FOXE1: variants seen among roughly 807,000 people sequenced by gnomAD.
FOXE1 encodes the protein forkhead box E1.
FOXE1 carries 4 observed loss-of-function variants against 2.1 expected under a neutral mutation model. The observed-to-expected ratio is 1.91, with a 90% CI of 0.94 to 4.37. FOXE1 has a LOEUF of 4.37. Among genes scored for constraint, FOXE1 ranks in the 30% most tolerant of loss-of-function variants. FOXE1 has a pLI of 0.01. For synonymous variants in FOXE1, 277 were observed against 272.4 expected (o/e 1.02, Z -0.17); for missense variants, 574 against 583.3 (o/e 0.98, Z 0.16).
chr9:97,853,940 C>A lies in FOXE1; in HGVS notation c.26C>A (p.Pro9Gln), dbSNP rs1830624831. 7.7e-6 allele frequency: 10 copies of A among 1,300,420 alleles called. No homozygotes were observed. Among genetic ancestry groups the A allele is most frequent in the Non-Finnish European group, 9.7e-6 (10 of 1,029,690 alleles). The allele number at this position is 1,300,420 out of a possible 1,614,324, so 80.6% of individuals were successfully genotyped here. Residue 9 changes from proline to glutamine, a missense_variant, in exon 1 of 1, where the codon CCG (proline) becomes CAG (glutamine). By Grantham distance (76) the Pro-to-Gln change is moderately conservative. This residue lies in a region of FOXE1 where 249 missense variants were observed against 269.6 expected (regional missense o/e 0.92). Coordinates refer to ENST00000375123, the MANE Select transcript of FOXE1 (RefSeq NM_004473.4). The stretch of plus-strand genomic sequence containing the variant: ...ATGACTGCCGAGAGCGGGCCGCCGC[C>A]GCCGCAGCCGGAGGTGCTGGCTACC... MTAESGPP[P>Q]PQPEVLATVK...
chr9:97,855,111 T>C lies in FOXE1; in HGVS notation c.*75T>C, dbSNP rs1587809290. On this transcript the variant is annotated 3_prime_UTR_variant, in exon 1 of 1. Transcript: ENST00000375123. ...CCCGCAATCTGAGAACGAACAGGAA[T>C]GGAGAGAGGACTCAACTGGGACCCA... 2 of 1,556,492 alleles carry C rather than the reference T, an allele frequency of 1.3e-6. No homozygotes were observed. Among genetic ancestry groups the C allele is most frequent in the East Asian group, 2.3e-5 (1 of 42,844 alleles).
Position 97,853,995 on chromosome 9 carries a change from A to G in FOXE1, c.81A>G (p.Ala27=). Residue 27 remains alanine (A), a synonymous_variant, in exon 1 of 1, where the codon GCA becomes GCG. Coordinates refer to ENST00000375123, the MANE Select transcript of FOXE1 (RefSeq NM_004473.4). The stretch of plus-strand genomic sequence containing the variant: ...AGGAAGAGCGCGGCGAGACGGCAGC[A>G]GGGGCCGGGGTCCCAGGGGAGGCCA... ...TVKEERGETA[A]GAGVPGEATG... 1 of 1,343,842 alleles carries G rather than the reference A, an allele frequency of 7.4e-7. No individual in the cohort carries two copies. Among genetic ancestry groups the G allele is most frequent in the Non-Finnish European group, 9.5e-7 (1 of 1,051,798 alleles). 83.2% of individuals were successfully genotyped at this position (1,343,842 alleles called of 1,614,324 possible).
rs1830620685 is a variant in FOXE1, at chr9:97,853,695, T to TCACTCCCGAGCCTCTGTCTGCACCGCGC, written c.-217_-190dup. ...GCGGGCTGAGCCGTCGGCTAGCGGG[T>TCACTCCCGAGCCTCTGTCTGCACCGCGC]CACTCCCGAGCCTCTGTCTGCACCG... On this transcript the variant is annotated 5_prime_UTR_variant, in exon 1 of 1. Coordinates refer to ENST00000375123, the MANE Select transcript of FOXE1 (RefSeq NM_004473.4). 2.7e-6 allele frequency: 1 copy of TCACTCCCGAGCCTCTGTCTGCACCGCGC among 373,528 alleles called. No individual in the cohort carries two copies. The highest frequency in any genetic ancestry group is 4.7e-6 in the Non-Finnish European group (1 of 213,830). 23.1% of individuals were successfully genotyped at this position (373,528 alleles called of 1,614,324 possible).
chr9:97,854,292 C>G lies in FOXE1; in HGVS notation c.378C>G (p.Tyr126Ter). 1 of 1,612,416 alleles carries G rather than the reference C, an allele frequency of 6.2e-7. No individual in the cohort carries two copies. Among genetic ancestry groups the G allele is most frequent in the Non-Finnish European group, 8.5e-7 (1 of 1,179,480 alleles). The change falls in exon 1 of 1, where the codon TAC becomes TAG. Residue 126 changes from tyrosine to a stop codon, truncating the protein, a stop_gained. Transcript: ENST00000375123. LOFTEE classifies it low-confidence loss of function (END_TRUNC). ...REAGRPGKGN[Y>*]WALDPNAEDM... ...CCGGCCGCCCGGGTAAGGGCAACTA[C>G]TGGGCGCTTGACCCCAACGCGGAGG... is the stretch of plus-strand genomic sequence containing the variant.
rs201181824 is a variant in FOXE1, at chr9:97,854,385, C to T, written c.471C>T (p.Tyr157=). 1.1e-3 allele frequency: 1,597 copies of T among 1,500,210 alleles called. 30 individuals carry two copies. In the Admixed American group the frequency reaches 0.028, roughly 26 times the overall value. The allele number at this position is 1,500,210 out of a possible 1,614,324, so 92.9% of individuals were successfully genotyped here. ...TCAAGCGCTCGGACCTCTCCACCTA[C>T]CCGGCTTACATGCACGACGCGGCGG... ...KRFKRSDLST[Y]PAYMHDAAAA... The change falls in exon 1 of 1, where the codon TAC becomes TAT. Residue 157 remains tyrosine (Y), a synonymous_variant. Transcript: ENST00000375123.
chr9:97,854,765 C>T lies in FOXE1; in HGVS notation c.851C>T (p.Pro284Leu). 6.7e-7 allele frequency: 1 copy of T among 1,494,320 alleles called. No homozygotes were observed. The highest frequency in any genetic ancestry group is 8.8e-7 in the Non-Finnish European group (1 of 1,131,006). The allele number at this position is 1,494,320 out of a possible 1,614,324, so 92.6% of individuals were successfully genotyped here. The change falls in exon 1 of 1, where the codon CCC becomes CTC. Residue 284 changes from proline (P) to leucine (L), a missense_variant. Physicochemically the swap from Pro to Leu is moderately conservative, Grantham distance 98. Transcript: ENST00000375123. The stretch of plus-strand genomic sequence containing the variant: ...GCCTATGCGGCTGCCTACGCGGGCC[C>T]CGACGGCGCGTACCCGCAGGGCGCC... The part of the protein sequence containing the change: ...PSAYAAAYAG[P>L]DGAYPQGAGS...
In FOXE1 at chr9:97,854,409, GGCTGCCGCAGCCGCCGCCGCC is replaced by G. The variant is rs1379428760; in HGVS notation, c.498_518del (p.Ala173_Ala179del). ...ACCCGGCTTACATGCACGACGCGGC[GGCTGCCGCAGCCGCCGCCGCC>G]GCCGCCGCCGCCGCCGCCGCCATCT... is the stretch of plus-strand genomic sequence containing the variant. On this transcript the variant is annotated inframe_deletion, in exon 1 of 1. Transcript: ENST00000375123. 7.7e-7 allele frequency: 1 copy of G among 1,291,156 alleles called. No homozygotes were observed. The highest frequency in any genetic ancestry group is 2.5e-5 in the South Asian group (1 of 40,714). 80.0% of individuals were successfully genotyped at this position (1,291,156 alleles called of 1,614,324 possible).
At position 97,855,003 on chromosome 9, in the gene FOXE1, C is replaced by G. The variant is rs1383066937; in HGVS notation, c.1089C>G (p.Pro363=). The change falls in exon 1 of 1, where the codon CCC becomes CCG. Residue 363 remains proline, a synonymous_variant. Transcript: ENST00000375123. The stretch of plus-strand genomic sequence containing the variant: ...ATGCTCGCCATGCTGCCGCTTATCC[C>G]GGTGGGATAGATCGGTTCGTGTCCG... ...AYHARHAAAY[P]GGIDRFVSAM 1 of 1,609,736 alleles carries G rather than the reference C, an allele frequency of 6.2e-7. No homozygotes were observed.
At position 97,854,115 on chromosome 9, in the gene FOXE1, G is replaced by T. The variant is rs1426305728; in HGVS notation, c.201G>T (p.Ala67=). 1.2e-6 allele frequency: 2 copies of T among 1,611,154 alleles called. No homozygotes were observed. Among genetic ancestry groups the T allele is most frequent in the South Asian group, 1.1e-5 (1 of 90,892 alleles). ...TCGCGCTCATCGCCATGGCCATCGCGCACGCGCCCGAGCGCCGCCTCACGC... is the reference window on the plus strand; with the variant it reads ...TCGCGCTCATCGCCATGGCCATCGCTCACGCGCCCGAGCGCCGCCTCACGC... ...SYIALIAMAI[A]HAPERRLTLG... The change falls in exon 1 of 1, where the codon GCG becomes GCT. Residue 67 remains alanine, a synonymous_variant. Transcript: ENST00000375123.
In FOXE1 at chr9:97,855,115, G is replaced by C. The variant is rs1256005420; in HGVS notation, c.*79G>C. On this transcript the variant is annotated 3_prime_UTR_variant, in exon 1 of 1. Coordinates refer to ENST00000375123, the MANE Select transcript of FOXE1 (RefSeq NM_004473.4). ...CAATCTGAGAACGAACAGGAATGGAGAGAGGACTCAACTGGGACCCACGTG... is the reference window on the plus strand; with the variant it reads ...CAATCTGAGAACGAACAGGAATGGACAGAGGACTCAACTGGGACCCACGTG... 6.5e-7 allele frequency: 1 copy of C among 1,548,146 alleles called. No individual in the cohort carries two copies. Among genetic ancestry groups the C allele is most frequent in the Admixed American group, 1.8e-5 (1 of 54,226 alleles).
In FOXE1 at chr9:97,854,800, A is replaced by T; in HGVS notation, c.886A>T (p.Ile296Phe). 1 of 1,530,674 alleles carries T rather than the reference A, an allele frequency of 6.5e-7. No individual in the cohort carries two copies. Among genetic ancestry groups the T allele is most frequent in the Non-Finnish European group, 8.7e-7 (1 of 1,145,054 alleles). The allele number at this position is 1,530,674 out of a possible 1,614,324, so 94.8% of individuals were successfully genotyped here. ...GAYPQGAGSA[I>F]FAAAGRLAGP... ...GTACCCGCAGGGCGCCGGCAGTGCG[A>T]TCTTTGCCGCTGCTGGCCGCCTGGC... is the stretch of plus-strand genomic sequence containing the variant. Residue 296 changes from isoleucine to phenylalanine, a missense_variant, in exon 1 of 1, where the codon ATC becomes TTC. Transcript: ENST00000375123.
Position 97,853,975 on chromosome 9 carries a change from G to A in FOXE1, c.61G>A (p.Glu21Lys). ...QPEVLATVKE[E>K]RGETAAGAGV... ...GGAGGTGCTGGCTACCGTGAAGGAA[G>A]AGCGCGGCGAGACGGCAGCAGGGGC... is the stretch of plus-strand genomic sequence containing the variant. Residue 21 changes from glutamate to lysine, a missense_variant, in exon 1 of 1, where the codon GAG becomes AAG. Coordinates refer to ENST00000375123, the MANE Select transcript of FOXE1 (RefSeq NM_004473.4). 2 of 1,329,006 alleles carry A rather than the reference G, an allele frequency of 1.5e-6. No individual in the cohort carries two copies. Among genetic ancestry groups the A allele is most frequent in the Non-Finnish European group, 1.9e-6 (2 of 1,044,416 alleles). 82.3% of individuals were successfully genotyped at this position (1,329,006 alleles called of 1,614,324 possible).
Position 97,854,902 on chromosome 9 carries a change from C to T in FOXE1, c.988C>T (p.Pro330Ser). The stretch of plus-strand genomic sequence containing the variant: ...GGTGGACTTCTACGGGCGCACGTCG[C>T]CCGGCCAGTTCGGAGCGCTGGGAGC... ...TTVDFYGRTS[P>S]GQFGALGACY... The change falls in exon 1 of 1, where the codon CCC becomes TCC. Residue 330 changes from proline to serine, a missense_variant. By Grantham distance (74) the Pro-to-Ser change is moderately conservative. Transcript: ENST00000375123. 1 of 1,596,980 alleles carries T rather than the reference C, an allele frequency of 6.3e-7. No homozygotes were observed. Among genetic ancestry groups the T allele is most frequent in the South Asian group, 1.1e-5 (1 of 90,686 alleles).
chr9:97,854,534 C>T lies in FOXE1; in HGVS notation c.620C>T (p.Ala207Val), dbSNP rs1830639904. 1.4e-5 allele frequency: 18 copies of T among 1,259,122 alleles called. No homozygotes were observed. Among genetic ancestry groups the T allele is most frequent in the Non-Finnish European group, 1.8e-5 (18 of 1,007,312 alleles). The allele number at this position is 1,259,122 out of a possible 1,614,324, so 78.0% of individuals were successfully genotyped here. A position where few individuals can be genotyped will look rare whatever the true frequency, so the allele number is the denominator to read the frequency against. ...YAGYAPPSLA[A>V]PPPVYYPAAS... Reference sequence around the variant, plus strand: ...GGCTACGCGCCGCCGTCGCTGGCCGCGCCGCCTCCAGTCTACTACCCCGCG... The same window carrying T: ...GGCTACGCGCCGCCGTCGCTGGCCGTGCCGCCTCCAGTCTACTACCCCGCG... The change falls in exon 1 of 1, where the codon GCG becomes GTG. Residue 207 changes from alanine (A) to valine (V), a missense_variant. Ala to Val is a moderately conservative substitution (Grantham distance 64, BLOSUM62 0). Coordinates refer to ENST00000375123, the MANE Select transcript of FOXE1 (RefSeq NM_004473.4).
rs1275323420 is a variant in FOXE1, at chr9:97,854,474, C to T, written c.560C>T (p.Ala187Val). 1 of 1,231,018 alleles carries T rather than the reference C, an allele frequency of 8.1e-7. No homozygotes were observed. Among genetic ancestry groups the T allele is most frequent in the East Asian group, 3.3e-5 (1 of 30,264 alleles). The allele number at this position is 1,231,018 out of a possible 1,614,324, so 76.3% of individuals were successfully genotyped here. A position where few individuals can be genotyped will look rare whatever the true frequency, so the allele number is the denominator to read the frequency against. ...AAAIFPGAVP[A>V]ARPPYPGAVY... The stretch of plus-strand genomic sequence containing the variant: ...GCCATCTTCCCAGGCGCGGTGCCCG[C>T]CGCGCGCCCCCCCTACCCGGGCGCC... Residue 187 changes from alanine (A) to valine (V), a missense_variant, in exon 1 of 1, where the codon GCC (alanine) becomes GTC (valine). By Grantham distance (64) the Ala-to-Val change is moderately conservative. Transcript: ENST00000375123.
In FOXE1 at chr9:97,853,667, C is replaced by A. The variant is rs1867278; in HGVS notation, c.-248C>A. 226,582 of 359,054 alleles carry A rather than the reference C, an allele frequency of 0.63. 72,582 individuals carry two copies. The highest frequency in any genetic ancestry group is 0.87 in the East Asian group (20,782 of 23,756). The allele number at this position is 359,054 out of a possible 1,614,324, so 22.2% of individuals were successfully genotyped here. ...CGCCGCTGCCCGCCTCGAGAAGCAC[C>A]ACGCGGGCTGAGCCGTCGGCTAGCG... is the stretch of plus-strand genomic sequence containing the variant. On this transcript the variant is annotated 5_prime_UTR_variant, in exon 1 of 1. Coordinates refer to ENST00000375123, the MANE Select transcript of FOXE1 (RefSeq NM_004473.4).
In FOXE1 at chr9:97,854,727, G is replaced by T. The variant is rs1199842966; in HGVS notation, c.813G>T (p.Pro271=). Residue 271 remains proline, a synonymous_variant, in exon 1 of 1, where the codon CCG becomes CCT. Transcript: ENST00000375123. ...YQPAGCTGAR[P]ANPSAYAAAY... ...CCGCAGGCTGCACCGGGGCCCGGCC[G>T]GCCAACCCCTCCGCCTATGCGGCTG... 2.1e-6 allele frequency: 3 copies of T among 1,420,554 alleles called. No homozygotes were observed. The highest frequency in any genetic ancestry group is 2.7e-6 in the Non-Finnish European group (3 of 1,099,160). 88.0% of individuals were successfully genotyped at this position (1,420,554 alleles called of 1,614,324 possible).
rs1422562576 is a variant in FOXE1 at position 97,854,838 on chromosome 9, G to T, written c.924G>T (p.Ser308=). The part of the protein sequence containing the change: ...AAAGRLAGPA[S]PPAGGSSGGV... ...CTGGCCGCCTGGCGGGACCCGCTTC[G>T]CCCCCAGCGGGCGGCAGCAGTGGCG... Residue 308 remains serine (S), a synonymous_variant, in exon 1 of 1, where the codon TCG becomes TCT. Coordinates refer to ENST00000375123, the MANE Select transcript of FOXE1 (RefSeq NM_004473.4). 1 of 1,545,370 alleles carries T rather than the reference G, an allele frequency of 6.5e-7. No individual in the cohort carries two copies. Among genetic ancestry groups the T allele is most frequent in the Non-Finnish European group, 8.7e-7 (1 of 1,153,254 alleles).
rs930856361 is a variant in FOXE1, at chr9:97,853,958, T to A, written c.44T>A (p.Leu15Gln). 20 of 1,312,846 alleles carry A rather than the reference T, an allele frequency of 1.5e-5. No homozygotes were observed. The highest frequency in any genetic ancestry group is 1.2e-4 in the South Asian group (5 of 41,578). 81.3% of individuals were successfully genotyped at this position (1,312,846 alleles called of 1,614,324 possible). A position where few individuals can be genotyped will look rare whatever the true frequency, so the allele number is the denominator to read the frequency against. The change falls in exon 1 of 1, where the codon CTG (leucine) becomes CAG (glutamine). Residue 15 changes from leucine to glutamine, a missense_variant. Physicochemically the swap from Leu to Gln is moderately radical, Grantham distance 113. This residue lies in a region of FOXE1 where 249 missense variants were observed against 269.6 expected (regional missense o/e 0.92). Transcript: ENST00000375123. ...CCGCCGCCGCCGCAGCCGGAGGTGC[T>A]GGCTACCGTGAAGGAAGAGCGCGGC... Reference protein sequence around the residue: ...SGPPPPQPEVLATVKEERGET... With the variant: ...SGPPPPQPEVQATVKEERGET...
Sources: gnomAD v4.1 joint callset for allele counts on GRCh38, gnomAD v4.1.1 for gene constraint, gnomAD v4.1.1 regional missense constraint, MANE v1.5 for transcripts, NCBI Gene and HGNC (gene_info 2026-07-23, HGNC 2026-07-21) for gene names.